The following MACROD2 variants were observed in gnomAD, a reference collection of about 807,000 sequenced individuals.
MACROD2 encodes mono-ADP ribosylhydrolase 2.
MACROD2 carries 36 observed loss-of-function variants against 70.4 expected under a neutral mutation model. That is an observed-to-expected ratio of 0.51 (90% CI 0.39 to 0.68). The LOEUF is 0.68. Ranked by LOEUF, MACROD2 falls within the 30% of genes least tolerant of loss-of-function variation. MACROD2 has a pLI of 0.00. For missense variants in MACROD2, 496 were observed against 538.4 expected (o/e 0.92, Z 0.78); for synonymous variants, 172 against 178.8 (o/e 0.96, Z 0.30).
At chr20:14,153,394 A>G (rs540372076) in intron 3 of MACROD2, among the ~76,000 whole-genome samples, 36 of 152,340 alleles carry the variant, frequency 2.4e-4, no homozygotes, top group African/African-American at 8.7e-4. Flanking sequence ...GAAACAGTGG[A>G]AAGAGAAGTC....
intron 4 of MACROD2, among the ~76,000 whole-genome samples, chr20:14,616,810 AT>A (rs1983511105): frequency 6.6e-6 from 1 of 152,104 alleles, no homozygotes; most frequent in South Asian, 2.1e-4. Flanking sequence ...TGTCTAGGGT[AT>A]TTCATTTAAG....
chr20:15,110,245 G>A (rs1206811288), intron 5 of MACROD2, among the ~76,000 whole-genome samples: 1 of 152,106 alleles, frequency 6.6e-6, no homozygotes, highest in African/African-American at 2.4e-5. Flanking sequence ...GGTTCCTTTG[G>A]ATGAAGAAAT....
chr20:14,175,887 G>T (rs2081259808), intron 3 of MACROD2, among the ~76,000 whole-genome samples: 1 of 152,118 alleles, frequency 6.6e-6, no homozygotes, highest in Non-Finnish European at 1.5e-5. Context: ...TCAGGGTTTT[G>T]GCATTTGGTG....
chr20:14,507,728 T>A (rs1242046106), intron 4 of MACROD2, among the ~76,000 whole-genome samples: 2 of 152,200 alleles, frequency 1.3e-5, no homozygotes, highest in African/African-American at 2.4e-5. Context: ...ATCAATAGAT[T>A]CTCCACTCCC....
At chr20:14,077,971 C>T (rs990962988) in intron 2 of MACROD2, among the ~76,000 whole-genome samples, 7 of 150,102 alleles carry the variant, frequency 4.7e-5, no homozygotes, top group South Asian at 2.1e-4. Flanking sequence ...GGTGCGATCT[C>T]GGCTCACTGC....
At chr20:15,408,406 G>T (rs2046032812) in intron 6 of MACROD2, among the ~76,000 whole-genome samples, 1 of 152,138 alleles carries the variant, frequency 6.6e-6, no homozygotes, top group Non-Finnish European at 1.5e-5. Flanking sequence ...ATGGAGGTTT[G>T]TACAAGACAG....
chr20:14,346,002 G>A (rs1398364492), intron 3 of MACROD2, among the ~76,000 whole-genome samples: 4 of 145,752 alleles, frequency 2.7e-5, no homozygotes, highest in African/African-American at 1.0e-4. Context: ...GCTGAGGCAG[G>A]AGAATGGCGT....
intron 8 of MACROD2, among the ~76,000 whole-genome samples, chr20:15,633,069 A>G (rs1409159465): frequency 1.3e-5 from 2 of 152,132 alleles, no homozygotes; most frequent in Non-Finnish European, 2.9e-5. Flanking sequence ...GATTGTGAAG[A>G]CTAGAGTGAC....
intron 5 of MACROD2, among the ~76,000 whole-genome samples, chr20:14,993,542 A>G (rs560087802): frequency 6.6e-6 from 1 of 152,306 alleles, no homozygotes; most frequent in African/African-American, 2.4e-5. Context: ...GAGATAAAAC[A>G]ATTATAAACT....
At chr20:14,955,195 A>G (rs2074523038) in intron 5 of MACROD2, among the ~76,000 whole-genome samples, 1 of 120,916 alleles carries the variant, frequency 8.3e-6, no homozygotes, top group South Asian at 2.9e-4. Context: ...AATTTATATA[A>G]TATATCATTT....
intron 13 of MACROD2, among the ~76,000 whole-genome samples, chr20:15,974,531 A>C (rs1040927612): frequency 6.6e-6 from 1 of 152,150 alleles, no homozygotes; most frequent in Non-Finnish European, 1.5e-5. Context: ...GGGAGGGATG[A>C]ATAGGAGGAG....
At chr20:15,433,537 C>T (rs2046390564) in intron 7 of MACROD2, among the ~76,000 whole-genome samples, 1 of 144,828 alleles carries the variant, frequency 6.9e-6, no homozygotes, top group African/African-American at 2.6e-5. Context: ...ACAAGACAAA[C>T]TATGAAACAC....
At chr20:16,016,285 A>G (rs2066927287) in intron 15 of MACROD2, among the ~76,000 whole-genome samples, 1 of 152,200 alleles carries the variant, frequency 6.6e-6, no homozygotes, top group Non-Finnish European at 1.5e-5. Context: ...TAACTCCCAA[A>G]TCTTGTCAGT....
chr20:14,470,706 T>A (rs1164919865), intron 3 of MACROD2, among the ~76,000 whole-genome samples: 1 of 152,142 alleles, frequency 6.6e-6, no homozygotes, highest in Non-Finnish European at 1.5e-5. Flanking sequence ...GACTTCCCGG[T>A]GGCTTTGTTT....
intron 8 of MACROD2, among the ~76,000 whole-genome samples, chr20:15,828,402 A>T (rs2064020305): frequency 1.3e-5 from 2 of 152,180 alleles, no homozygotes; most frequent in Admixed American, 1.3e-4. Context: ...TACCTCTCAT[A>T]TGTTCCAGAA....
intron 3 of MACROD2, among the ~76,000 whole-genome samples, chr20:14,397,565 C>T (rs2210654): frequency 0.98 from 149,147 of 152,270 alleles, 73,123 homozygotes; most frequent in Middle Eastern, 1. Context: ...TACAATACAT[C>T]GTTATAAATT....
intron 1 of MACROD2, among the ~76,000 whole-genome samples, chr20:14,001,642 G>A (rs1412458129): frequency 6.6e-6 from 1 of 152,022 alleles, no homozygotes; most frequent in Non-Finnish European, 1.5e-5. Context: ...TGGTTCTGCA[G>A]GCAACACAAG....
intron 3 of MACROD2, among the ~76,000 whole-genome samples, chr20:14,317,807 T>C (rs570568812): frequency 5.3e-5 from 8 of 152,144 alleles, no homozygotes; most frequent in African/African-American, 1.9e-4. Context: ...TTCTGAAAAA[T>C]AGGGATAATA....
intron 6 of MACROD2, among the ~76,000 whole-genome samples, chr20:15,309,351 C>T (rs977765123): frequency 3.3e-5 from 5 of 152,182 alleles, no homozygotes; most frequent in Admixed American, 3.3e-4. Context: ...TCTCTCTTCC[C>T]TCTAGCAGGG....
Sources: allele counts gnomAD v4.1 joint callset (sites outside exome capture counted in the v4.1 genomes callset), GRCh38; gene constraint gnomAD v4.1.1; transcripts MANE v1.5; gene names NCBI Gene and HGNC (gene_info 2026-07-23, HGNC 2026-07-21).